RNF150: variants seen among roughly 807,000 people sequenced by gnomAD.
RNF150 encodes ring finger protein 150.
RNF150 carries 24 observed loss-of-function variants against 39.3 expected under a neutral mutation model. The observed-to-expected ratio is 0.61, with a 90% CI of 0.44 to 0.86. RNF150 has a LOEUF of 0.86. Ranked by LOEUF, RNF150 falls within the 40% of genes least tolerant of loss-of-function variation. RNF150 has a pLI of 0.00. For missense variants in RNF150, 502 were observed against 587.8 expected, an observed-to-expected ratio of 0.85 and a Z score of 1.51; for synonymous variants, 255 against 227.3, an observed-to-expected ratio of 1.12 and a Z score of -1.10.
intron 1 of RNF150, among the ~76,000 whole-genome samples, chr4:140,998,347 A>G (rs937170742): frequency 6.6e-6 from 1 of 152,196 alleles, no homozygotes; most frequent in South Asian, 2.1e-4. Flanking sequence ...TGGCCTTCTA[A>G]GAAGAGGAAG....
intron 6 of RNF150, among the ~76,000 whole-genome samples, chr4:140,892,441 T>G (rs959241939): frequency 4.6e-5 from 7 of 152,258 alleles, no homozygotes; most frequent in Non-Finnish European, 8.8e-5. Flanking sequence ...CACCAGCCTG[T>G]GCTGGCTGCT....
chr4:141,088,077 T>A (rs1738435276), intron 1 of RNF150, among the ~76,000 whole-genome samples: 1 of 152,158 alleles, frequency 6.6e-6, no homozygotes, highest in South Asian at 2.1e-4. Flanking sequence ...ATAGACAAAT[T>A]AATTAAACTT....
At chr4:140,950,256 A>G (rs1377731267) in intron 2 of RNF150, among the ~76,000 whole-genome samples, 1 of 152,224 alleles carries the variant, frequency 6.6e-6, no homozygotes, top group Non-Finnish European at 1.5e-5. Flanking sequence ...AGATTAAGAG[A>G]GTTAACATTT....
chr4:141,066,547 A>G (rs1737468704), intron 1 of RNF150, among the ~76,000 whole-genome samples: 1 of 152,234 alleles, frequency 6.6e-6, no homozygotes, highest in Non-Finnish European at 1.5e-5. Flanking sequence ...ATGTATATCA[A>G]TAATATACAT....
In RNF150 at chr4:140,865,502, T is replaced by A. The variant is rs1188996993; in HGVS notation, c.*2759A>T. Reference sequence around the variant, plus strand: ...GGTAAAGAAGGCTATAAGGAAGGGCTGTTCCCCTTTCTTCTGAAAGAGAAA... The same window carrying A: ...GGTAAAGAAGGCTATAAGGAAGGGCAGTTCCCCTTTCTTCTGAAAGAGAAA... On this transcript the variant is annotated 3_prime_UTR_variant, in exon 7 of 7. Coordinates refer to ENST00000515673, the MANE Select transcript of RNF150 (RefSeq NM_020724.2). 6.6e-6 allele frequency: 1 copy of A among 152,362 alleles called. No individual in the cohort carries two copies. The highest frequency in any genetic ancestry group is 6.6e-5 in the Admixed American group (1 of 15,248). The allele number at this position is 152,362 out of a possible 1,614,324, so 9.4% of individuals were successfully genotyped here. A position where few individuals can be genotyped will look rare whatever the true frequency, so the allele number is the denominator to read the frequency against.
At chr4:141,201,494 G>A (rs142242384) in intron 1 of RNF150, among the ~76,000 whole-genome samples, 1 of 151,958 alleles carries the variant, frequency 6.6e-6, no homozygotes, top group African/African-American at 2.4e-5. Context: ...AATTTTTATT[G>A]GTGTGTCTTC....
intron 1 of RNF150, among the ~76,000 whole-genome samples, chr4:141,003,911 G>A (rs971241451): frequency 2.6e-5 from 4 of 152,052 alleles, no homozygotes; most frequent in African/African-American, 9.7e-5. Flanking sequence ...TTTCAGAATG[G>A]CCTGCGGTTA....
chr4:141,053,369 A>T lies in RNF150; in HGVS notation c.484+78956T>A, dbSNP rs1053768766. 3.9e-5 allele frequency among the ~76,000 whole-genome samples: 6 copies of T among 152,008 alleles called. No individual in the cohort carries two copies. The East Asian group carries it at 5.8e-4, about 15-fold the overall frequency. On this transcript the variant is annotated intron_variant, in intron 1 of 6. Transcript: ENST00000515673. ...AACCCAAGGACATGTACCAAAATTT[A>T]AAAAAAATGTTCAAATGGATATTAG... is the stretch of plus-strand genomic sequence containing the variant.
chr4:140,946,778 T>G (rs1732331607), intron 4 of RNF150, among the ~76,000 whole-genome samples: 1 of 152,208 alleles, frequency 6.6e-6, no homozygotes, highest in East Asian at 1.9e-4. Context: ...AGCATTAGGA[T>G]TACAGGTGTG....
At chr4:140,948,679 A>T (rs1181940160) in intron 3 of RNF150, among the ~76,000 whole-genome samples, 1 of 152,162 alleles carries the variant, frequency 6.6e-6, no homozygotes, top group Non-Finnish European at 1.5e-5. Flanking sequence ...GCCTCAAGTG[A>T]TCTACCTACC....
intron 1 of RNF150, among the ~76,000 whole-genome samples, chr4:141,000,174 C>G (rs1734616124): frequency 6.6e-6 from 1 of 151,882 alleles, no homozygotes; most frequent in Admixed American, 6.6e-5. Context: ...AAAGAAAGAG[C>G]TTTATCAGTT....
chr4:141,115,812 G>C (rs939871847), intron 1 of RNF150, among the ~76,000 whole-genome samples: 1 of 152,118 alleles, frequency 6.6e-6, no homozygotes, highest in African/African-American at 2.4e-5. Context: ...CAATGGAACA[G>C]AACAGAGGCC....
chr4:140,988,353 G>A (rs1734078183), intron 1 of RNF150, among the ~76,000 whole-genome samples: 1 of 152,018 alleles, frequency 6.6e-6, no homozygotes, highest in Non-Finnish European at 1.5e-5. Flanking sequence ...ATCAACCTAG[G>A]TGTCCATCAA....
rs536749613 is a variant in RNF150, at chr4:140,959,070, C to T, written c.735+8553G>A. ...CTCTCCCAACCTGGCCTGCCTTGCT[C>T]GACCACTGTTCCCATTTTTATGATA... On this transcript the variant is annotated intron_variant, in intron 2 of 6. Transcript: ENST00000515673. Among the ~76,000 whole-genome samples, 14 of 152,180 alleles carry T rather than the reference C, an allele frequency of 9.2e-5. No homozygotes were observed. In the South Asian group the frequency reaches 1.9e-3, roughly 20 times the overall value.
intron 6 of RNF150, 42 bp downstream of exon 6, chr4:140,911,102 C>G (rs781643584): frequency 9.3e-6 from 14 of 1,508,160 alleles, no homozygotes; most frequent in Non-Finnish European, 1.3e-5. Context: ...TACAAGGCAA[C>G]AGTCCTTCTG....
intron 1 of RNF150, among the ~76,000 whole-genome samples, chr4:141,162,207 T>C (rs1349636802): frequency 6.6e-6 from 1 of 152,234 alleles, no homozygotes; most frequent in African/African-American, 2.4e-5. Flanking sequence ...GCCCACTCCC[T>C]GCATCAGTGT....
At chr4:141,196,722 T>C (rs957496600) in intron 1 of RNF150, among the ~76,000 whole-genome samples, 1 of 152,226 alleles carries the variant, frequency 6.6e-6, no homozygotes, top group Non-Finnish European at 1.5e-5. Flanking sequence ...CAGTTGTAGT[T>C]GGCCTTGACT....
chr4:141,067,955 T>A (rs1027516979), intron 1 of RNF150, among the ~76,000 whole-genome samples: 1 of 151,956 alleles, frequency 6.6e-6, no homozygotes, highest in African/African-American at 2.4e-5. Context: ...AAGATACTTT[T>A]TTTTTTTTTT....
At chr4:141,150,375 G>A (rs906479250) in intron 1 of RNF150, among the ~76,000 whole-genome samples, 1 of 152,138 alleles carries the variant, frequency 6.6e-6, no homozygotes. Context: ...ATCAGATTCC[G>A]ATGGCTTCTC....
Sources: gnomAD v4.1 joint callset for allele counts (sites outside exome capture counted in the v4.1 genomes callset) on GRCh38, gnomAD v4.1.1 for gene constraint, MANE v1.5 for transcripts, NCBI Gene and HGNC (gene_info 2026-07-23, HGNC 2026-07-21) for gene names.